LOC128125817: variants seen among roughly 807,000 people sequenced by gnomAD.
chr1:41,623,311 C>T, the LOC128125817 span, among the ~76,000 whole-genome samples: 1 of 152,206 alleles, frequency 6.6e-6, no homozygotes, highest in South Asian at 2.1e-4. Context: ...AACAAGGCTG[C>T]CCCTCTCCAA....
chr1:41,585,713 C>G, the LOC128125817 span, among the ~76,000 whole-genome samples: 8 of 152,120 alleles, frequency 5.3e-5, no homozygotes, highest in Non-Finnish European at 7.3e-5. Flanking sequence ...GTTGCCTAAT[C>G]GGTAAAACAG....
chr1:41,615,330 C>T, the LOC128125817 span, among the ~76,000 whole-genome samples: 9 of 152,344 alleles, frequency 5.9e-5, no homozygotes, highest in East Asian at 1.3e-3. Flanking sequence ...CTTGGGAAAT[C>T]GGCCCGTCCC....
At chr1:41,600,371 C>G in the LOC128125817 span, among the ~76,000 whole-genome samples, 1 of 152,162 alleles carries the variant, frequency 6.6e-6, no homozygotes, top group Non-Finnish European at 1.5e-5. Context: ...TAGCATGTGT[C>G]AGAATTTCCT....
At chr1:41,599,423 A>T in the LOC128125817 span, among the ~76,000 whole-genome samples, 1 of 152,216 alleles carries the variant, frequency 6.6e-6, no homozygotes, top group Non-Finnish European at 1.5e-5. Flanking sequence ...ATTGTGCTTC[A>T]TTAAAATTTA....
the LOC128125817 span, among the ~76,000 whole-genome samples, chr1:41,623,288 A>T: frequency 6.6e-6 from 1 of 152,212 alleles, no homozygotes; most frequent in Non-Finnish European, 1.5e-5. Flanking sequence ...TTTTGCTCCC[A>T]TCTGTCCTCA....
the LOC128125817 span, among the ~76,000 whole-genome samples, chr1:41,608,204 C>A: frequency 6.6e-6 from 1 of 152,196 alleles, no homozygotes; most frequent in African/African-American, 2.4e-5. Context: ...AGGTTCCCTG[C>A]AGGAGGGTGA....
At chr1:41,618,714 A>G in the LOC128125817 span, among the ~76,000 whole-genome samples, 1 of 152,172 alleles carries the variant, frequency 6.6e-6, no homozygotes, top group Non-Finnish European at 1.5e-5. Context: ...CCAAGACAAA[A>G]GGGACCTTGG....
the LOC128125817 span, among the ~76,000 whole-genome samples, chr1:41,599,111 C>T: frequency 6.6e-6 from 1 of 152,062 alleles, no homozygotes; most frequent in Non-Finnish European, 1.5e-5. Flanking sequence ...GCCACCACAC[C>T]CAGTCTCAGT....
At chr1:41,599,504 CA>C in the LOC128125817 span, among the ~76,000 whole-genome samples, 1 of 152,058 alleles carries the variant, frequency 6.6e-6, no homozygotes, top group Admixed American at 6.6e-5. Flanking sequence ...AGGATATTTG[CA>C]ACACATGTTT....
At chr1:41,625,676 A>G in the LOC128125817 span, among the ~76,000 whole-genome samples, 1 of 152,250 alleles carries the variant, frequency 6.6e-6, no homozygotes, top group Non-Finnish European at 1.5e-5. Flanking sequence ...TTGAGGCTGC[A>G]GTGAGCTATG....
the LOC128125817 span, among the ~76,000 whole-genome samples, chr1:41,594,604 G>A: frequency 1.3e-5 from 2 of 152,136 alleles, no homozygotes; most frequent in Non-Finnish European, 2.9e-5. Flanking sequence ...TATTTCATTT[G>A]GGAGACTATT....
At chr1:41,621,822 C>T in the LOC128125817 span, among the ~76,000 whole-genome samples, 1 of 152,184 alleles carries the variant, frequency 6.6e-6, no homozygotes, top group Non-Finnish European at 1.5e-5. Context: ...CTGGTCAGCC[C>T]TGCTCTTCTC....
chr1:41,586,519 T>A, the LOC128125817 span, among the ~76,000 whole-genome samples: 1 of 152,346 alleles, frequency 6.6e-6, no homozygotes, highest in East Asian at 1.9e-4. Context: ...GTGATGAGCA[T>A]CTCTGTGCTT....
At chr1:41,587,696 C>G in the LOC128125817 span, among the ~76,000 whole-genome samples, 4,003 of 152,270 alleles carry the variant, frequency 0.026, 197 homozygotes, top group African/African-American at 0.09. Flanking sequence ...ATTCCTCTCA[C>G]TTGACAGAAG....
the LOC128125817 span, among the ~76,000 whole-genome samples, chr1:41,601,134 C>T: frequency 6.6e-6 from 1 of 152,046 alleles, no homozygotes; most frequent in Admixed American, 6.6e-5. Context: ...TATGTCAGTA[C>T]CATACTGTTT....
At chr1:41,624,315 C>T in the LOC128125817 span, among the ~76,000 whole-genome samples, 6 of 152,198 alleles carry the variant, frequency 3.9e-5, no homozygotes, top group East Asian at 5.8e-4. Flanking sequence ...AAATGTTCCA[C>T]GAGCATGTTA....
the LOC128125817 span, among the ~76,000 whole-genome samples, chr1:41,615,933 A>G: frequency 6.9e-6 from 1 of 144,084 alleles, no homozygotes; most frequent in Non-Finnish European, 1.5e-5. Context: ...TATATTTGTT[A>G]AATATATTAA....
the LOC128125817 span, among the ~76,000 whole-genome samples, chr1:41,586,611 GT>G: frequency 6.6e-6 from 1 of 152,158 alleles, no homozygotes; most frequent in South Asian, 2.1e-4. Context: ...GTTTCACTAG[GT>G]GTGTGATGAT....
chr1:41,592,628 A>G, the LOC128125817 span, among the ~76,000 whole-genome samples: 1 of 152,172 alleles, frequency 6.6e-6, no homozygotes, highest in African/African-American at 2.4e-5. Context: ...AGGCCCACCT[A>G]CTGGCCCACC....
Sources: gnomAD v4.1 joint callset for allele counts (sites outside exome capture counted in the v4.1 genomes callset) on GRCh38, gnomAD v4.1.1 for gene constraint, MANE v1.5 for transcripts.